The following SCML2 variants were observed in gnomAD, a reference collection of about 807,000 sequenced individuals.
SCML2 encodes sex comb on midleg-like protein 2.
SCML2 carries 6 observed loss-of-function variants against 48.4 expected under a neutral mutation model. That is an observed-to-expected ratio of 0.12 (90% CI 0.07 to 0.24). The LOEUF (loss-of-function observed/expected upper bound fraction) is 0.24. Among genes scored for constraint, SCML2 ranks in the 10% least tolerant of loss-of-function variants. The probability of loss-of-function intolerance (pLI) is 1.00; values close to 1 mark genes in which losing one functional copy is unlikely to be tolerated. For synonymous variants in SCML2, 181 were observed against 189.5 expected (o/e 0.95, Z 0.37); for missense variants, 377 against 528.2 (o/e 0.71, Z 2.81).
chrX:18,330,966 A>G (rs753091217), intron 2 of SCML2, among the ~76,000 whole-genome samples: 4 of 110,918 alleles, frequency 3.6e-5, no homozygotes, highest in Middle Eastern at 4.6e-3. Flanking sequence ...CATTTGTTAA[A>G]TCAATGCATC....
At chrX:18,285,802 G>A (rs936861427) in intron 7 of SCML2, among the ~76,000 whole-genome samples, 3 of 111,576 alleles carry the variant, frequency 2.7e-5, no homozygotes, top group Non-Finnish European at 5.7e-5. Flanking sequence ...TATTGGTGGA[G>A]TACCTTCTGA....
intron 6 of SCML2, among the ~76,000 whole-genome samples, chrX:18,312,979 G>A (rs765009328): frequency 9.9e-4 from 32 of 32,276 alleles, no homozygotes; most frequent in African/African-American, 4.2e-3. Flanking sequence ...ATGGGTGTGC[G>A]TGTGTGTGTG....
At chrX:18,267,591 T>G (rs973732126) in intron 7 of SCML2, among the ~76,000 whole-genome samples, 11 of 59,322 alleles carry the variant, frequency 1.9e-4, no homozygotes, top group African/African-American at 1.1e-3. Context: ...TTTGTTTGGG[T>G]TTTTTTTTTT....
chrX:18,320,675 A>G (rs1164448228), intron 5 of SCML2, among the ~76,000 whole-genome samples: 6 of 111,018 alleles, frequency 5.4e-5, no homozygotes, highest in Admixed American at 3.9e-4. Context: ...AGAATTCACA[A>G]ACAAACATGT....
chrX:18,266,554 T>C (rs1480580058), intron 7 of SCML2, among the ~76,000 whole-genome samples: 3 of 112,070 alleles, frequency 2.7e-5, no homozygotes, highest in Non-Finnish European at 1.9e-5. Flanking sequence ...AATTCCTTGA[T>C]AATTTCATTA....
chrX:18,348,733 C>G (rs756392146), intron 1 of SCML2, among the ~76,000 whole-genome samples: 1 of 111,260 alleles, frequency 9.0e-6, no homozygotes, highest in African/African-American at 3.3e-5. Context: ...GAAAAATACT[C>G]CAAATAACAT....
chrX:18,322,452 C>T (rs1929349793), intron 5 of SCML2, among the ~76,000 whole-genome samples: 1 of 111,957 alleles, frequency 8.9e-6, no homozygotes, highest in South Asian at 3.7e-4. Context: ...TAGGATTGCA[C>T]TTATCTTTCA....
At position 18,261,504 on chromosome X, in the gene SCML2, A is replaced by G. The variant is rs766434285; in HGVS notation, c.949-1213T>C. ...CCTTAAGGGGAGGAAGAAAATGACA[A>G]CTTGTATCCAAATATGACATAGATC... On this transcript the variant is annotated intron_variant, in intron 8 of 14. Transcript: ENST00000251900. Among the ~76,000 whole-genome samples the G allele has an allele frequency of 1.1e-3, 118 of 110,328 alleles. 11 individuals carry two copies. Among genetic ancestry groups the G allele is most frequent in the African/African-American group, 3.9e-3 (114 of 28,983 alleles).
intron 3 of SCML2, among the ~76,000 whole-genome samples, 194 bp from the exon 4 acceptor site, chrX:18,325,171 A>C (rs984161780): frequency 1.8e-5 from 2 of 111,371 alleles, no homozygotes; most frequent in East Asian, 5.6e-4. Flanking sequence ...AAATAAGACG[A>C]TATCCTGATA....
intron 6 of SCML2, among the ~76,000 whole-genome samples, chrX:18,305,510 C>T (rs1928728061): frequency 9.0e-6 from 1 of 111,553 alleles, no homozygotes; most frequent in Non-Finnish European, 1.9e-5. Context: ...ATTTAAGATT[C>T]ATTGATGAAC....
At chrX:18,354,415 G>T (rs1230520152) in intron 1 of SCML2, among the ~76,000 whole-genome samples, 177 bp downstream of exon 1, 2 of 111,804 alleles carry the variant, frequency 1.8e-5, no homozygotes, top group African/African-American at 3.2e-5. Context: ...GGCGCCGGGG[G>T]CGGGATACCC....
intron 5 of SCML2, among the ~76,000 whole-genome samples, chrX:18,322,408 G>A (rs1008043814): frequency 8.9e-6 from 1 of 111,853 alleles, no homozygotes; most frequent in African/African-American, 3.2e-5. Context: ...ATTGCAACAA[G>A]AGAAATAAAA....
chrX:18,325,087 A>T, intron 3 of SCML2, 110 bp from the exon 4 acceptor site: 1 of 196,241 alleles, frequency 5.1e-6, no homozygotes, highest in Non-Finnish European at 9.4e-6. Context: ...CTCTTAAAAG[A>T]AAAAAAAAAA....
intron 8 of SCML2, among the ~76,000 whole-genome samples, chrX:18,262,716 T>A (rs1412227391): frequency 1.9e-5 from 2 of 107,312 alleles, no homozygotes; most frequent in Non-Finnish European, 3.8e-5. Flanking sequence ...CCTTTCCTTT[T>A]TTTTTCCCCC....
At chrX:18,256,618 G>A (rs1177929886) in intron 11 of SCML2, among the ~76,000 whole-genome samples, 6 of 112,263 alleles carry the variant, frequency 5.3e-5, no homozygotes, top group Non-Finnish European at 1.9e-5. Flanking sequence ...ACTCTGTGAG[G>A]TAGTCAAAAT....
At chrX:18,330,726 A>C in intron 2 of SCML2, 71 bp from the exon 3 acceptor site, 1 of 654,125 alleles carries the variant, frequency 1.5e-6, no homozygotes, top group Non-Finnish European at 2.3e-6. Flanking sequence ...GAAAAATATA[A>C]ATTAAAAAAC....
At chrX:18,344,429 AC>A (rs1930135205) in intron 1 of SCML2, among the ~76,000 whole-genome samples, 1 of 111,444 alleles carries the variant, frequency 9.0e-6, no homozygotes, top group Non-Finnish European at 1.9e-5. Flanking sequence ...GCTCCAATAC[AC>A]CGTATGTGCT....
At chrX:18,311,125 C>A (rs1928934946) in intron 6 of SCML2, among the ~76,000 whole-genome samples, 2 of 112,104 alleles carry the variant, frequency 1.8e-5, no homozygotes, top group African/African-American at 6.5e-5. Flanking sequence ...CTGCCTCTGA[C>A]CACAAACTAA....
At chrX:18,338,699 G>A (rs1313001324) in intron 1 of SCML2, among the ~76,000 whole-genome samples, 2 of 108,000 alleles carry the variant, frequency 1.9e-5, no homozygotes, top group Non-Finnish European at 3.8e-5. Context: ...GATTGCTTGA[G>A]CCCAGGGGTT....
Sources: allele counts gnomAD v4.1 joint callset (sites outside exome capture counted in the v4.1 genomes callset), GRCh38; gene constraint gnomAD v4.1.1; transcripts MANE v1.5; gene names NCBI Gene and HGNC (gene_info 2026-07-23, HGNC 2026-07-21).